Variants in SLC25A39 observed in about 807,000 individuals in gnomAD.
SLC25A39 encodes mitochondrial glutathione transporter SLC25A39.
SLC25A39 carries 44 observed loss-of-function variants against 46.6 expected under a neutral mutation model. The ratio of observed to expected loss-of-function variants is 0.94; its 90% confidence interval spans 0.74 to 1.21. The LOEUF is 1.21. Among genes scored for constraint, SLC25A39 ranks in the 50% most tolerant of loss-of-function variants. The probability of loss-of-function intolerance (pLI) is 0.00; values close to 1 mark genes in which losing one functional copy is unlikely to be tolerated. For synonymous variants in SLC25A39, 218 were observed against 190.6 expected (o/e 1.14, Z -1.19); for missense variants, 487 against 473.0 (o/e 1.03, Z -0.28).
In SLC25A39 at chr17:44,322,859, T is replaced by C. The variant is rs776416381; in HGVS notation, c.146-7A>G. The C allele has an allele frequency of 5.6e-6, 9 of 1,613,956 alleles. No homozygotes were observed. The highest frequency in any genetic ancestry group is 1.6e-4 in the Middle Eastern group (1 of 6,062). On this transcript the variant is annotated splice_polypyrimidine_tract_variant and splice_region_variant and intron_variant, in intron 3 of 11. Transcript: ENST00000377095. ...CTGGAGGAAGGCATCAGCTCTAAAA[T>C]ACAAGGCAGCCCCTCAAGTCAGGAG...
At chr17:44,320,299 G>GT in intron 10 of SLC25A39, 23 bp from the exon 11 acceptor site, 2 of 1,613,554 alleles carry the variant, frequency 1.2e-6, no homozygotes, top group Non-Finnish European at 8.5e-7. Context: ...GGCCGGCTCA[G>GT]TGAGACCCCA....
At chr17:44,322,641 G>T in intron 4 of SLC25A39, 89 bp from the exon 5 acceptor site, 1 of 1,569,144 alleles carries the variant, frequency 6.4e-7, no homozygotes, top group Non-Finnish European at 8.6e-7. Flanking sequence ...GCCAGTAAAG[G>T]CCAGGTCCCT....
chr17:44,322,677 A>G, intron 4 of SLC25A39, 125 bp from the exon 5 acceptor site: 1 of 1,557,500 alleles, frequency 6.4e-7, no homozygotes, highest in Non-Finnish European at 8.7e-7. Flanking sequence ...TGCAGGTCAC[A>G]GGACTGGCTG....
At chr17:44,320,757 G>A (rs779820600) in intron 8 of SLC25A39, 26 bp from the exon 9 acceptor site, 1 of 1,570,490 alleles carries the variant, frequency 6.4e-7, no homozygotes, top group Non-Finnish European at 8.8e-7. Flanking sequence ...GCACTGATTA[G>A]AGACGGGAAG....
intron 1 of SLC25A39, 184 bp downstream of exon 1, chr17:44,324,527 T>C (rs1203470936): frequency 6.6e-6 from 1 of 152,076 alleles, no homozygotes; most frequent in Non-Finnish European, 1.5e-5. Context: ...GAGCGGGAAG[T>C]AGGAACGTAG....
intron 8 of SLC25A39, 33 bp from the exon 9 acceptor site, chr17:44,320,764 G>A: frequency 4.6e-6 from 7 of 1,530,182 alleles, no homozygotes; most frequent in Non-Finnish European, 5.4e-6. Context: ...TTAGAGACGG[G>A]AAGGGCAAGG....
rs747423245 is a variant in SLC25A39 at position 44,320,051 on chromosome 17, C to G, written c.1030G>C (p.Gly344Arg). ...TTCAGCCTCTGGAAGAAGCTTTTGC[C>G]GAACTCATAGGTGCTGATCATGATG... ...CAIMISTYEF[G>R]KSFFQRLNQD... The change falls in exon 12 of 12, where the codon GGC (glycine) becomes CGC (arginine). Residue 344 changes from glycine to arginine, a missense_variant. Coordinates refer to ENST00000377095, the MANE Select transcript of SLC25A39 (RefSeq NM_001143780.3). The G allele has an allele frequency of 1.9e-6, 3 of 1,614,036 alleles. No homozygotes were observed. Among genetic ancestry groups the G allele is most frequent in the Non-Finnish European group, 1.7e-6 (2 of 1,180,008 alleles).
chr17:44,321,258 G>A, intron 7 of SLC25A39, 27 bp from the exon 8 acceptor site: 1 of 1,591,206 alleles, frequency 6.3e-7, no homozygotes, highest in Middle Eastern at 1.7e-4. Flanking sequence ...GGTGACAATG[G>A]GGAGAAGTGA....
At position 44,319,853 on chromosome 17, in the gene SLC25A39, G is replaced by A. The variant is rs1059658; in HGVS notation, c.*148C>T. On this transcript the variant is annotated 3_prime_UTR_variant, in exon 12 of 12. Coordinates refer to ENST00000377095, the MANE Select transcript of SLC25A39 (RefSeq NM_001143780.3). ...GTCTGAGGAAGTGCTGGGCCGCCCA[G>A]AGGGACAGCCCTGCCCTGGAGCTTG... 3.2e-5 allele frequency: 22 copies of A among 692,390 alleles called. No individual in the cohort carries two copies. The highest frequency in any genetic ancestry group is 4.6e-5 in the Non-Finnish European group (19 of 414,036). The allele number at this position is 692,390 out of a possible 1,614,324, so 42.9% of individuals were successfully genotyped here.
In SLC25A39 at chr17:44,319,785, G is replaced by T. The variant is rs1191551352; in HGVS notation, c.*216C>A. On this transcript the variant is annotated 3_prime_UTR_variant, in exon 12 of 12. Transcript: ENST00000377095. ...ATTTGGTCTTGAACTTGGGGGGTGG[G>T]TAAGTGATGATCCCCACGACTGGAG... 5 of 563,730 alleles carry T rather than the reference G, an allele frequency of 8.9e-6. No homozygotes were observed. In the East Asian group the frequency reaches 1.5e-4, roughly 17 times the overall value. 34.9% of individuals were successfully genotyped at this position (563,730 alleles called of 1,614,324 possible). A position where few individuals can be genotyped will look rare whatever the true frequency, so the allele number is the denominator to read the frequency against.
At position 44,321,562 on chromosome 17, in the gene SLC25A39, G is replaced by A; in HGVS notation, c.393-4C>T. The stretch of plus-strand genomic sequence containing the variant: ...GGTAGCTGGCACAGTCATCACCCTG[G>A]GGATACAGAGAGAGGTTAGCTGGGA... On this transcript the variant is annotated splice_region_variant and splice_polypyrimidine_tract_variant and intron_variant, in intron 6 of 11. Coordinates refer to ENST00000377095, the MANE Select transcript of SLC25A39 (RefSeq NM_001143780.3). 1 of 1,613,838 alleles carries A rather than the reference G, an allele frequency of 6.2e-7. No individual in the cohort carries two copies.
intron 7 of SLC25A39, 46 bp from the exon 8 acceptor site, chr17:44,321,277 G>A (rs750824877): frequency 5.7e-6 from 9 of 1,583,394 alleles, no homozygotes; most frequent in African/African-American, 4.0e-5. Context: ...GAGATCACAG[G>A]TCTTACATGG....
chr17:44,320,800 C>T, intron 8 of SLC25A39, 69 bp from the exon 9 acceptor site: 3 of 1,198,304 alleles, frequency 2.5e-6, no homozygotes, highest in Non-Finnish European at 3.7e-6. Context: ...GTCCACCTTT[C>T]ACTGCCACCA....
At chr17:44,323,440 T>TCCCCCCCCCCCCCCCCCCCCCCC in intron 2 of SLC25A39, 38 bp downstream of exon 2, 1 of 341,554 alleles carries the variant, frequency 2.9e-6, no homozygotes, top group Non-Finnish European at 4.4e-6. Context: ...GTCTGCCCCA[T>TCCCCCCCCCCCCCCCCCCCCCCC]CCCCACCCGC....
At chr17:44,320,311 T>C (rs758442325) in intron 10 of SLC25A39, 35 bp from the exon 11 acceptor site, 1 of 1,613,466 alleles carries the variant, frequency 6.2e-7, no homozygotes, top group Non-Finnish European at 8.5e-7. Context: ...GAGACCCCAT[T>C]CAGGACCCCA....
At chr17:44,320,833 G>T in intron 8 of SLC25A39, 102 bp from the exon 9 acceptor site, 1 of 1,061,664 alleles carries the variant, frequency 9.4e-7, no homozygotes, top group Non-Finnish European at 1.4e-6. Flanking sequence ...TGTGAGTCTT[G>T]TCTGCTACAT....
In SLC25A39 at chr17:44,319,662, AG is replaced by A. The variant is rs2047952848; in HGVS notation, c.*338del. 1 of 298,110 alleles carries A rather than the reference AG, an allele frequency of 3.4e-6. No individual in the cohort carries two copies. The highest frequency in any genetic ancestry group is 6.5e-6 in the Non-Finnish European group (1 of 153,704). 18.5% of individuals were successfully genotyped at this position (298,110 alleles called of 1,614,324 possible). A position where few individuals can be genotyped will look rare whatever the true frequency, so the allele number is the denominator to read the frequency against. ...CATCTTTAGACTTAAGGAATTAACA[AG>A]GGTCAGGGAGACTACACCAGGCTGA... On this transcript the variant is annotated 3_prime_UTR_variant, in exon 12 of 12. Coordinates refer to ENST00000377095, the MANE Select transcript of SLC25A39 (RefSeq NM_001143780.3).
intron 5 of SLC25A39, 84 bp from the exon 6 acceptor site, chr17:44,321,851 C>T: frequency 7.1e-7 from 1 of 1,410,192 alleles, no homozygotes. Context: ...AGGCCTTTGC[C>T]TGACGCCCTC....
chr17:44,322,727 C>T, intron 4 of SLC25A39, 81 bp downstream of exon 4: 1 of 1,598,736 alleles, frequency 6.3e-7, no homozygotes. Context: ...GGCTGTGGAG[C>T]CCACTGGTGC....
Sources: gnomAD v4.1 joint callset for allele counts on GRCh38, gnomAD v4.1.1 for gene constraint, MANE v1.5 for transcripts, NCBI Gene and HGNC (gene_info 2026-07-23, HGNC 2026-07-21) for gene names.